TIMP3: variants seen among roughly 807,000 people sequenced by gnomAD.
TIMP3 encodes the protein TIMP metallopeptidase inhibitor 3, also known as metalloproteinase inhibitor 3.
In TIMP3, 11 loss-of-function variants were observed where a neutral mutation model predicts 30.0. The observed-to-expected ratio is 0.37, with a 90% confidence interval of 0.23 to 0.61. The LOEUF (loss-of-function observed/expected upper bound fraction) is 0.61, where lower values mean the gene tolerates loss of function less well. TIMP3 is among the 20% of genes least tolerant of loss of function. The probability of loss-of-function intolerance (pLI) is 0.70; values close to 1 mark genes in which losing one functional copy is unlikely to be tolerated. For synonymous variants in TIMP3, 112 were observed against 111.3 expected (o/e 1.01, Z -0.04); for missense variants, 181 against 276.8 (o/e 0.65, Z 2.45).
intron 1 of TIMP3, among the ~76,000 whole-genome samples, chr22:32,841,151 T>C (rs914896196): frequency 5.3e-5 from 8 of 152,246 alleles, no homozygotes; most frequent in African/African-American, 1.4e-4. Context: ...AGCAAATACA[T>C]ATGAGGTGCC....
chr22:32,835,556 G>T (rs2047706773), intron 1 of TIMP3, among the ~76,000 whole-genome samples: 1 of 152,146 alleles, frequency 6.6e-6, no homozygotes, highest in Admixed American at 6.5e-5. Flanking sequence ...ATGGGTAATG[G>T]GGAGCAGAAG....
chr22:32,848,542 G>T (rs905102661), intron 1 of TIMP3, among the ~76,000 whole-genome samples: 1 of 152,114 alleles, frequency 6.6e-6, no homozygotes, highest in Non-Finnish European at 1.5e-5. Context: ...AATGGGAGCT[G>T]TTTTCATTGG....
chr22:32,811,024 G>A (rs1253684953), intron 1 of TIMP3, among the ~76,000 whole-genome samples: 1 of 152,172 alleles, frequency 6.6e-6, no homozygotes, highest in African/African-American at 2.4e-5. Flanking sequence ...TGGCAATTAA[G>A]TGAAATACTT....
At chr22:32,846,036 A>G (rs148245932) in intron 1 of TIMP3, among the ~76,000 whole-genome samples, 2 of 152,250 alleles carry the variant, frequency 1.3e-5, no homozygotes, top group East Asian at 3.9e-4. Context: ...TTGAGAATCT[A>G]TTTGGAGGGC....
At position 32,849,501 on chromosome 22, in the gene TIMP3, C is replaced by T. The variant is rs762299337; in HGVS notation, c.171C>T (p.Phe57=). 4.0e-5 allele frequency: 64 copies of T among 1,613,566 alleles called. No individual in the cohort carries two copies. The highest frequency in any genetic ancestry group is 8.0e-5 in the African/African-American group (6 of 74,894). ...VGKKLVKEGP[F]GTLVYTIKQM... ...AGAAGCTGGTAAAGGAGGGGCCCTT[C>T]GGCACGCTGGTCTACACCATCAAGC... is the stretch of plus-strand genomic sequence containing the variant. The change falls in exon 2 of 5, where the codon TTC becomes TTT. Residue 57 remains phenylalanine (F), a synonymous_variant. Transcript: ENST00000266085.
At chr22:32,812,974 G>T (rs889947869) in intron 1 of TIMP3, among the ~76,000 whole-genome samples, 1 of 152,146 alleles carries the variant, frequency 6.6e-6, no homozygotes, top group African/African-American at 2.4e-5. Flanking sequence ...GAGTGCAGTG[G>T]ATAAAAAGCT....
chr22:32,802,067 G>T lies in TIMP3; in HGVS notation c.66G>T (p.Glu22Asp), dbSNP rs748513644. 2 of 1,577,992 alleles carry T rather than the reference G, an allele frequency of 1.3e-6. No homozygotes were observed. The change falls in exon 1 of 5, where the codon GAG (glutamate) becomes GAT (aspartate). Residue 22 changes from glutamate to aspartate, a missense_variant. This residue lies in a region of TIMP3 where 71 missense variants were observed against 79.7 expected (regional missense o/e 0.89). Transcript: ENST00000266085. ...GGAGCCTGGGGGACTGGGGCGCCGA[G>T]GCGTGCACATGCTCGCCCAGCCACC... ...GSWSLGDWGA[E>D]ACTCSPSHPQ...
At chr22:32,835,479 T>TCA (rs1283093245) in intron 1 of TIMP3, among the ~76,000 whole-genome samples, 1 of 151,364 alleles carries the variant, frequency 6.6e-6, no homozygotes, top group East Asian at 1.9e-4. Context: ...TTGCAGGAGG[T>TCA]GGTTGGGGAT....
rs2048427101 is a variant in TIMP3 at position 32,858,146 on chromosome 22, C to T, written c.438+8C>T. 6.2e-7 allele frequency: 1 copy of T among 1,612,028 alleles called. No individual in the cohort carries two copies. The highest frequency in any genetic ancestry group is 1.7e-5 in the Admixed American group (1 of 59,974). On this transcript the variant is annotated splice_region_variant and intron_variant, in intron 4 of 4. Coordinates refer to ENST00000266085, the MANE Select transcript of TIMP3 (RefSeq NM_000362.5). ...CTGGGTTGTAACTGCAAGGTAAGCT[C>T]TGGGGTCACTGGGGGAAGGAGGGGA...
rs200592407 is a variant in TIMP3 at position 32,859,297 on chromosome 22, C to G, written c.556C>G (p.Arg186Gly). The G allele has an allele frequency of 3.7e-6, 6 of 1,614,034 alleles. No homozygotes were observed. In the African/African-American group the frequency reaches 8.0e-5, roughly 22 times the overall value. Residue 186 changes from arginine to glycine, a missense_variant, in exon 5 of 5, where the codon CGG (arginine) becomes GGG (glycine). This residue lies in a region of TIMP3 where 47 missense variants were observed against 63.8 expected (regional missense o/e 0.74). Transcript: ENST00000266085. The part of the protein sequence containing the change: ...GYQSKHYACI[R>G]QKGGYCSWYR... ...CCAGTCCAAACACTACGCCTGCATC[C>G]GGCAGAAGGGCGGCTACTGCAGCTG...
At chr22:32,848,949 G>T (rs1251118318) in intron 1 of TIMP3, among the ~76,000 whole-genome samples, 1 of 152,170 alleles carries the variant, frequency 6.6e-6, no homozygotes, top group Non-Finnish European at 1.5e-5. Context: ...GGCACTGTGG[G>T]AAGCTAGGGT....
intron 1 of TIMP3, among the ~76,000 whole-genome samples, chr22:32,830,891 G>A (rs917945187): frequency 6.6e-6 from 1 of 152,152 alleles, no homozygotes; most frequent in African/African-American, 2.4e-5. Context: ...CCAGAACACC[G>A]CGATCTGCTG....
chr22:32,830,294 C>A (rs1209421938), intron 1 of TIMP3, among the ~76,000 whole-genome samples: 1 of 152,210 alleles, frequency 6.6e-6, no homozygotes, highest in Non-Finnish European at 1.5e-5. Context: ...AGGCACTGTG[C>A]TAAGTACCTC....
intron 1 of TIMP3, among the ~76,000 whole-genome samples, chr22:32,849,194 T>C (rs2146242625): frequency 6.6e-6 from 1 of 152,314 alleles, no homozygotes; most frequent in Admixed American, 6.5e-5. Flanking sequence ...GGGTTGACTA[T>C]AGCCTTGGAA....
chr22:32,823,138 AG>A (rs1230717463), intron 1 of TIMP3, among the ~76,000 whole-genome samples: 1 of 152,218 alleles, frequency 6.6e-6, no homozygotes, highest in Non-Finnish European at 1.5e-5. Context: ...TGGGAAAGCA[AG>A]GACTCAAGTG....
At chr22:32,840,595 C>T (rs571116179) in intron 1 of TIMP3, among the ~76,000 whole-genome samples, 45 of 152,026 alleles carry the variant, frequency 3.0e-4, no homozygotes, top group Admixed American at 4.6e-4. Context: ...GCTCAGAGCC[C>T]GGCTGTGATT....
intron 1 of TIMP3, among the ~76,000 whole-genome samples, chr22:32,808,833 T>A (rs2046835143): frequency 6.6e-6 from 1 of 152,200 alleles, no homozygotes; most frequent in South Asian, 2.1e-4. Context: ...CAAAGCTGCA[T>A]GGGAAACTCC....
chr22:32,815,393 T>G (rs1459719662), intron 1 of TIMP3, among the ~76,000 whole-genome samples: 1 of 152,206 alleles, frequency 6.6e-6, no homozygotes, highest in Non-Finnish European at 1.5e-5. Context: ...GTTTAAGAGA[T>G]AGAGATGGAA....
intron 1 of TIMP3, among the ~76,000 whole-genome samples, chr22:32,840,144 A>T (rs1165637655): frequency 6.6e-6 from 1 of 152,232 alleles, no homozygotes; most frequent in East Asian, 1.9e-4. Context: ...CTGAGATGGA[A>T]ACTTGGGTTG....
Sources: allele counts gnomAD v4.1 joint callset (sites outside exome capture counted in the v4.1 genomes callset), GRCh38; gene constraint gnomAD v4.1.1; regional missense constraint gnomAD v4.1.1; transcripts MANE v1.5; gene names NCBI Gene and HGNC (gene_info 2026-07-23, HGNC 2026-07-21).